The following ERBB4 variants were observed in gnomAD, a reference collection of about 807,000 sequenced individuals.
ERBB4 encodes receptor tyrosine-protein kinase erbB-4.
In ERBB4, 42 loss-of-function variants were observed where a neutral mutation model predicts 158.0. The ratio of observed to expected loss-of-function variants is 0.27; its 90% CI spans 0.21 to 0.34. The LOEUF is 0.34. Ranked by LOEUF, ERBB4 falls within the 10% of genes least tolerant of loss-of-function variation. ERBB4 has a pLI of 1.00. For missense variants in ERBB4, 1,333 were observed against 1,624.1 expected (o/e 0.82, Z 3.08); for synonymous variants, 583 against 558.7 (o/e 1.04, Z -0.61).
At chr2:211,858,141 A>G (rs2077918255) in intron 3 of ERBB4, among the ~76,000 whole-genome samples, 1 of 152,212 alleles carries the variant, frequency 6.6e-6, no homozygotes, top group African/African-American at 2.4e-5. Context: ...GTGAGAAGAA[A>G]GAGAGTGTGG....
At position 211,720,124 on chromosome 2, in the gene ERBB4, T is replaced by C. The variant is rs140801817; in HGVS notation, c.883+2269A>G. Among the ~76,000 whole-genome samples the C allele has an allele frequency of 1.9e-3, 293 of 152,242 alleles. 1 individual carries two copies. Among genetic ancestry groups the C allele is most frequent in the East Asian group, 0.016 (83 of 5,168 alleles). ...GTATAAAATGTTTGGGTGAAGCCAA[T>C]AAGAAAAGTTGTTCCCGGTAACCGA... On this transcript the variant is annotated intron_variant, in intron 7 of 27. Coordinates refer to ENST00000342788, the MANE Select transcript of ERBB4 (RefSeq NM_005235.3).
intron 2 of ERBB4, among the ~76,000 whole-genome samples, chr2:212,028,335 A>C (rs545686769): frequency 1.1e-4 from 16 of 152,266 alleles, no homozygotes; most frequent in Non-Finnish European, 2.9e-5. Context: ...ATTTTAAAAA[A>C]ATCAAACTGC....
At chr2:211,411,187 G>A (rs952522695) in intron 25 of ERBB4, among the ~76,000 whole-genome samples, 14 of 152,168 alleles carry the variant, frequency 9.2e-5, no homozygotes, top group East Asian at 1.9e-4. Flanking sequence ...GATTACAGGC[G>A]TGAGCCACCA....
At chr2:211,881,993 T>G (rs902443985) in intron 3 of ERBB4, among the ~76,000 whole-genome samples, 2 of 152,112 alleles carry the variant, frequency 1.3e-5, no homozygotes, top group African/African-American at 4.8e-5. Context: ...ATTAGAGTGT[T>G]TCTGAGAAAG....
At chr2:211,515,657 A>C (rs1034431750) in intron 20 of ERBB4, among the ~76,000 whole-genome samples, 1 of 151,384 alleles carries the variant, frequency 6.6e-6, no homozygotes, top group African/African-American at 2.4e-5. Flanking sequence ...TTTCTCTGCT[A>C]TCGTGCAAGG....
At chr2:211,626,101 G>A (rs930217429) in intron 17 of ERBB4, among the ~76,000 whole-genome samples, 1 of 152,132 alleles carries the variant, frequency 6.6e-6, no homozygotes, top group African/African-American at 2.4e-5. Flanking sequence ...TGTGAAGTAG[G>A]TGTAGCAATA....
intron 16 of ERBB4, among the ~76,000 whole-genome samples, chr2:211,640,808 G>C (rs2070552760): frequency 1.3e-5 from 2 of 152,228 alleles, no homozygotes; most frequent in South Asian, 4.1e-4. Flanking sequence ...GAGATATGGT[G>C]AGAAAATGTA....
intron 20 of ERBB4, among the ~76,000 whole-genome samples, chr2:211,529,140 TAAA>T (rs1276453076): frequency 1.5e-5 from 2 of 132,000 alleles, no homozygotes; most frequent in Non-Finnish European, 3.3e-5. Context: ...AGACCCAAAT[TAAA>T]AAAAAAAAAT....
intron 5 of ERBB4, among the ~76,000 whole-genome samples, chr2:211,741,498 TGATAGA>T (rs551893839): frequency 1.5e-5 from 2 of 136,106 alleles, no homozygotes; most frequent in South Asian, 2.5e-4. Context: ...GACAGACAGA[TGATAGA>T]GAGAGAGAGA....
At chr2:212,363,037 G>A (rs1015222847) in intron 1 of ERBB4, among the ~76,000 whole-genome samples, 5 of 151,218 alleles carry the variant, frequency 3.3e-5, no homozygotes, top group African/African-American at 1.2e-4. Context: ...TTAAATAACA[G>A]CAGAGATTAA....
intron 1 of ERBB4, among the ~76,000 whole-genome samples, chr2:212,176,707 C>G (rs2081673969): frequency 6.6e-6 from 1 of 151,926 alleles, no homozygotes; most frequent in South Asian, 2.1e-4. Flanking sequence ...AGCTCCAAGT[C>G]TGGAATCAAT....
chr2:211,679,144 A>G lies in ERBB4; in HGVS notation c.1530T>C (p.Asp510=), dbSNP rs1174493399. The change falls in exon 13 of 28, where the codon GAT becomes GAC. Residue 510 remains aspartate (D), a synonymous_variant. Coordinates refer to ENST00000342788, the MANE Select transcript of ERBB4 (RefSeq NM_005235.3). ...GMVCNHLCSS[D]GCWGPGPDQC... is the part of the protein sequence containing the mutation. ...GGTCTGGCCCAGGTCCCCAACAGCC[A>G]TCACTGGAACACAGATGGTTGCACA... 6.2e-7 allele frequency: 1 copy of G among 1,614,018 alleles called. No homozygotes were observed. The highest frequency in any genetic ancestry group is 1.1e-5 in the South Asian group (1 of 91,066).
At chr2:211,456,763 G>A (rs6748656) in intron 20 of ERBB4, among the ~76,000 whole-genome samples, 25,596 of 151,922 alleles carry the variant, frequency 0.17, 2,488 homozygotes, top group East Asian at 0.4. Flanking sequence ...CACAAGCAGT[G>A]CACAACTTAG....
chr2:212,185,034 C>CTTTTTCTTTT (rs762121501), intron 1 of ERBB4, among the ~76,000 whole-genome samples: 46 of 132,618 alleles, frequency 3.5e-4, no homozygotes, highest in Non-Finnish European at 3.9e-4. Context: ...TTTTTTTTTT[C>CTTTTTCTTTT]TTTTGAGACA....
chr2:212,100,863 C>A (rs904366574), intron 2 of ERBB4, among the ~76,000 whole-genome samples: 1 of 152,090 alleles, frequency 6.6e-6, no homozygotes, highest in Admixed American at 6.6e-5. Context: ...GTCATTAAAG[C>A]AGATTTCTGG....
intron 1 of ERBB4, among the ~76,000 whole-genome samples, chr2:212,406,854 C>T (rs540145691): frequency 3.2e-4 from 48 of 152,188 alleles, no homozygotes; most frequent in African/African-American, 1.1e-3. Context: ...TGAGGTGACT[C>T]TCCTCTTCCT....
At chr2:212,055,920 T>A (rs1168659424) in intron 2 of ERBB4, among the ~76,000 whole-genome samples, 1 of 152,208 alleles carries the variant, frequency 6.6e-6, no homozygotes, top group Non-Finnish European at 1.5e-5. Flanking sequence ...GGAACAAAGC[T>A]GGATGGAGAA....
intron 1 of ERBB4, among the ~76,000 whole-genome samples, chr2:212,430,979 A>C (rs2092015051): frequency 6.6e-6 from 1 of 152,062 alleles, no homozygotes; most frequent in Non-Finnish European, 1.5e-5. Context: ...TAAATAATAA[A>C]TACGCGGTTG....
At chr2:211,848,206 C>T (rs528573681) in intron 3 of ERBB4, among the ~76,000 whole-genome samples, 3 of 152,118 alleles carry the variant, frequency 2.0e-5, no homozygotes, top group Admixed American at 2.0e-4. Flanking sequence ...AGAAACACAG[C>T]CCCTAGCTAA....
Sources: gnomAD v4.1 joint callset for allele counts (sites outside exome capture counted in the v4.1 genomes callset) on GRCh38, gnomAD v4.1.1 for gene constraint, MANE v1.5 for transcripts, NCBI Gene and HGNC (gene_info 2026-07-23, HGNC 2026-07-21) for gene names.